The following ATL2 variants were observed in gnomAD, a reference collection of about 807,000 sequenced individuals.
ATL2 encodes the protein atlastin GTPase 2, also known as atlastin-2.
A neutral mutation model predicts 73.9 loss-of-function variants in ATL2; 31 were observed. The observed-to-expected ratio is 0.42, with a 90% CI of 0.32 to 0.57. ATL2 has a LOEUF of 0.57. Ranked by LOEUF, ATL2 falls within the 20% of genes least tolerant of loss-of-function variation. The pLI is 0.14. For missense variants in ATL2, 738 were observed against 702.6 expected (o/e 1.05, Z -0.57); for synonymous variants, 291 against 237.5 (o/e 1.23, Z -2.07).
intron 4 of ATL2, among the ~76,000 whole-genome samples, chr2:38,316,367 G>T (rs1668024040): frequency 6.6e-6 from 1 of 152,138 alleles, no homozygotes; most frequent in Non-Finnish European, 1.5e-5. Flanking sequence ...AATAGGTCTG[G>T]ATCCTTTCAT....
At chr2:38,331,418 G>C (rs6745085) in intron 2 of ATL2, among the ~76,000 whole-genome samples, 1 of 129,476 alleles carries the variant, frequency 7.7e-6, no homozygotes, top group African/African-American at 3.1e-5. Context: ...CCTAGCAACA[G>C]AGTGAGACTC....
intron 1 of ATL2, among the ~76,000 whole-genome samples, chr2:38,365,674 CCTTGGG>C (rs58185525): frequency 0.12 from 18,216 of 151,908 alleles, 3,215 homozygotes; most frequent in African/African-American, 0.39. Context: ...ACCTGTAGTC[CCTTGGG>C]AGTAGCTACT....
rs780841244 is a variant in ATL2 at position 38,298,194 on chromosome 2, T to G, written c.1582A>C (p.Arg528=). Residue 528 remains arginine, a synonymous_variant, in exon 12 of 13, where the codon AGA becomes CGA. Transcript: ENST00000378954. ...WAYVKYSGEF[R]EIGTVIDQIA... Reference sequence around the variant, plus strand: ...TGATCAATCACTGTTCCAATTTCTCTGAACTCCCCAGAGTATTTAACATAT... The same window carrying G: ...TGATCAATCACTGTTCCAATTTCTCGGAACTCCCCAGAGTATTTAACATAT... The G allele has an allele frequency of 6.2e-7, 1 of 1,614,050 alleles. No individual in the cohort carries two copies. Among genetic ancestry groups the G allele is most frequent in the Non-Finnish European group, 8.5e-7 (1 of 1,179,948 alleles).
intron 2 of ATL2, among the ~76,000 whole-genome samples, chr2:38,323,362 T>TC (rs1233253468): frequency 1.4e-5 from 2 of 140,572 alleles, no homozygotes; most frequent in Non-Finnish European, 3.1e-5. Context: ...TTTTTTTTTT[T>TC]TTTTTTTTTT....
intron 1 of ATL2, among the ~76,000 whole-genome samples, chr2:38,369,250 G>A (rs1216136945): frequency 6.6e-6 from 1 of 151,858 alleles, no homozygotes; most frequent in South Asian, 2.1e-4. Flanking sequence ...AGGAGTTCAA[G>A]ACCAGCCTGA....
chr2:38,376,210 A>G, intron 1 of ATL2: 1 of 1,508,928 alleles, frequency 6.6e-7, no homozygotes, highest in East Asian at 2.5e-5. Context: ...TCATGCGATC[A>G]ATTCGCACCA....
Position 38,299,265 on chromosome 2 carries a change from A to T in ATL2, c.1191T>A (p.Ser397Arg). ...AATTTTAGGTACAAACCTGTTCCAT[A>T]CTTTTACAATAGGTATCTCTTGCTC... ...VAGARDTYCK[S>R]MEQVCGGDKP... Residue 397 changes from serine to arginine, a missense_variant, in exon 11 of 13, where the codon AGT becomes AGA. Transcript: ENST00000378954. 6.6e-7 allele frequency: 1 copy of T among 1,519,170 alleles called. No homozygotes were observed. Among genetic ancestry groups the T allele is most frequent in the Non-Finnish European group, 8.7e-7 (1 of 1,144,678 alleles). The allele number at this position is 1,519,170 out of a possible 1,614,324, so 94.1% of individuals were successfully genotyped here.
At chr2:38,325,672 AC>A (rs2148449949) in intron 2 of ATL2, among the ~76,000 whole-genome samples, 1 of 73,506 alleles carries the variant, frequency 1.4e-5, no homozygotes, top group African/African-American at 1.3e-4. Context: ...ACACACACAC[AC>A]ACACACACAC....
chr2:38,333,882 G>A (rs1283222672), intron 2 of ATL2, among the ~76,000 whole-genome samples: 1 of 152,100 alleles, frequency 6.6e-6, no homozygotes, highest in African/African-American at 2.4e-5. Flanking sequence ...ATTTGATGAA[G>A]CTTTTCTGAC....
chr2:38,375,207 C>G (rs1573611907), intron 1 of ATL2, among the ~76,000 whole-genome samples: 1 of 152,192 alleles, frequency 6.6e-6, no homozygotes, highest in East Asian at 1.9e-4. Context: ...CAGAGGGAGA[C>G]AAAGAGTTTC....
chr2:38,375,780 C>A (rs1353323934), intron 1 of ATL2, among the ~76,000 whole-genome samples: 2 of 152,210 alleles, frequency 1.3e-5, no homozygotes, highest in African/African-American at 2.4e-5. Flanking sequence ...GAAGCTGCTT[C>A]TTTGGTAGTT....
intron 4 of ATL2, among the ~76,000 whole-genome samples, chr2:38,315,579 C>A (rs1164311718): frequency 2.0e-5 from 3 of 151,908 alleles, no homozygotes; most frequent in African/African-American, 7.3e-5. Context: ...TATGTATACT[C>A]ATGGCCTAAA....
rs765093782 is a variant in ATL2 at position 38,310,332 on chromosome 2, G to C, written c.920C>G (p.Pro307Arg). The C allele has an allele frequency of 3.7e-6, 6 of 1,612,298 alleles. No homozygotes were observed. In the South Asian group the frequency reaches 4.4e-5, roughly 12 times the overall value. The change falls in exon 8 of 13, where the codon CCT becomes CGT. Residue 307 changes from proline (P) to arginine (R), a missense_variant. Coordinates refer to ENST00000378954, the MANE Select transcript of ATL2 (RefSeq NM_001135673.4). ...ACCTTTCAATCTCCCATCAAAACTA[G>C]GATTAGTTGCAACTTTAAGACCAGG... ...PHPGLKVATN[P>R]SFDGRLKDID...
At chr2:38,303,758 T>G (rs1400684170) in intron 9 of ATL2, among the ~76,000 whole-genome samples, 1 of 151,938 alleles carries the variant, frequency 6.6e-6, no homozygotes. Context: ...AACAAAAGAT[T>G]ATAGAACACC....
At position 38,315,321 on chromosome 2, in the gene ATL2, G is replaced by A; in HGVS notation, c.617C>T (p.Ser206Phe). The A allele has an allele frequency of 2.7e-6, 4 of 1,497,428 alleles. No individual in the cohort carries two copies. The highest frequency in any genetic ancestry group is 3.5e-6 in the Non-Finnish European group (4 of 1,133,682). The allele number at this position is 1,497,428 out of a possible 1,614,324, so 92.8% of individuals were successfully genotyped here. A position where few individuals can be genotyped will look rare whatever the true frequency, so the allele number is the denominator to read the frequency against. The change falls in exon 5 of 13, where the codon TCT (serine) becomes TTT (phenylalanine). Residue 206 changes from serine (S) to phenylalanine (F), a missense_variant. Coordinates refer to ENST00000378954, the MANE Select transcript of ATL2 (RefSeq NM_001135673.4). ...AAGATCATCTTCTTGAATATTCTGA[G>A]ACAGATTATATACCTGTTGAAACAA... ...MTSSVQVYNL[S>F]QNIQEDDLQH...
In ATL2 at chr2:38,298,278, T is replaced by C. The variant is rs867452980; in HGVS notation, c.1498A>G (p.Ile500Val). 12 of 1,614,074 alleles carry C rather than the reference T, an allele frequency of 7.4e-6. No homozygotes were observed. The highest frequency in any genetic ancestry group is 6.7e-5 in the African/African-American group (5 of 75,020). The change falls in exon 12 of 13, where the codon ATA becomes GTA. Residue 500 changes from isoleucine to valine, a missense_variant. Physicochemically the swap from Ile to Val is conservative, Grantham distance 29. Transcript: ENST00000378954. The part of the protein sequence containing the change: ...GLTGFIGLNS[I>V]AVLCNLVMGL... ...ATGACAAGGTTACACAAGACAGCTA[T>C]AGAGTTTAGGCCAATGAAGCCAGTC...
chr2:38,353,081 A>T (rs1404488903), intron 1 of ATL2, among the ~76,000 whole-genome samples: 1 of 152,174 alleles, frequency 6.6e-6, no homozygotes, highest in Non-Finnish European at 1.5e-5. Flanking sequence ...AAAGAAGGAA[A>T]TGTAGCCCAT....
chr2:38,378,466 T>A (rs1672096354), upstream of ATL2, among the ~76,000 whole-genome samples: 1 of 152,186 alleles, frequency 6.6e-6, no homozygotes, highest in South Asian at 2.1e-4. Flanking sequence ...CTTGAGCTAC[T>A]GACCTCGTGA....
At chr2:38,324,384 G>A (rs1318834862) in intron 2 of ATL2, among the ~76,000 whole-genome samples, 1 of 152,178 alleles carries the variant, frequency 6.6e-6, no homozygotes, top group East Asian at 1.9e-4. Context: ...TATAAAACTA[G>A]TACCTAATCA....
Sources: gnomAD v4.1 joint callset for allele counts (sites outside exome capture counted in the v4.1 genomes callset) on GRCh38, gnomAD v4.1.1 for gene constraint, MANE v1.5 for transcripts, NCBI Gene and HGNC (gene_info 2026-07-23, HGNC 2026-07-21) for gene names.